Variants in MDGA2 observed in about 807,000 individuals in gnomAD.
The protein encoded by MDGA2 is MAM domain-containing glycosylphosphatidylinositol anchor protein 2.
MDGA2 carries 40 observed loss-of-function variants against 117.8 expected under a neutral mutation model. The observed-to-expected ratio is 0.34, with a 90% CI of 0.26 to 0.44. MDGA2 has a LOEUF of 0.44. Ranked by LOEUF, MDGA2 falls within the 20% of genes least tolerant of loss-of-function variation. The pLI, the probability that MDGA2 is intolerant of heterozygous loss-of-function variation, is 1.00. For synonymous variants in MDGA2, 452 were observed against 439.0 expected (o/e 1.03, Z -0.37); for missense variants, 1,123 against 1,250.6 (o/e 0.90, Z 1.54).
At chr14:46,959,400 C>G (rs1177991168) in intron 8 of MDGA2, among the ~76,000 whole-genome samples, 1 of 151,232 alleles carries the variant, frequency 6.6e-6, no homozygotes, top group Admixed American at 6.6e-5. Flanking sequence ...TCCTTTTAAT[C>G]TTATACTTTT....
At chr14:47,359,636 AGCTACTCT>A (rs1434207909) in intron 1 of MDGA2, among the ~76,000 whole-genome samples, 1 of 148,826 alleles carries the variant, frequency 6.7e-6, no homozygotes, top group African/African-American at 2.5e-5. Context: ...ACATAAAAAA[AGCTACTCT>A]GGAGGCTGAG....
intron 4 of MDGA2, among the ~76,000 whole-genome samples, chr14:47,134,401 C>T (rs1781798442): frequency 6.6e-6 from 1 of 151,940 alleles, no homozygotes; most frequent in Non-Finnish European, 1.5e-5. Flanking sequence ...AAAATATAAT[C>T]AGAGCCTAAA....
intron 1 of MDGA2, among the ~76,000 whole-genome samples, chr14:47,619,449 G>A (rs540184727): frequency 1.3e-5 from 2 of 152,092 alleles, no homozygotes; most frequent in African/African-American, 4.8e-5. Flanking sequence ...TAATTTCACA[G>A]GTAAGTCAAA....
intron 2 of MDGA2, among the ~76,000 whole-genome samples, chr14:47,232,457 T>G (rs1325948394): frequency 6.6e-6 from 1 of 152,104 alleles, no homozygotes; most frequent in African/African-American, 2.4e-5. Context: ...TGTAAGGAAT[T>G]AATTACCTAG....
chr14:47,355,650 G>A (rs1308985157), intron 1 of MDGA2, among the ~76,000 whole-genome samples: 1 of 152,000 alleles, frequency 6.6e-6, no homozygotes, highest in Non-Finnish European at 1.5e-5. Context: ...CCCAGATGAG[G>A]AGGACTTCCT....
Position 47,540,563 on chromosome 14 carries a change from T to TATATATATATATATATATATACACAC in MDGA2, c.280+133953_280+133954insGTGTGTATATATATATATATATATAT, listed in dbSNP as rs370481455. Among the ~76,000 whole-genome samples the TATATATATATATATATATATACACAC allele has an allele frequency of 2.2e-4, 25 of 112,476 alleles. 1 individual carries two copies. The highest frequency in any genetic ancestry group is 9.2e-4 in the East Asian group (3 of 3,262). The allele number at this position is 112,476 out of a possible 152,430, so 73.8% of individuals were successfully genotyped here. ...GTGTATATATATATATGTATATATA[T>TATATATATATATATATATATACACAC]ACACACACACATAGAGAGAGAGACA... On this transcript the variant is annotated intron_variant, in intron 1 of 16. Coordinates refer to ENST00000399232, the MANE Select transcript of MDGA2 (RefSeq NM_001113498.3).
At chr14:47,012,193 T>G (rs977992187) in intron 8 of MDGA2, among the ~76,000 whole-genome samples, 2 of 152,138 alleles carry the variant, frequency 1.3e-5, no homozygotes, top group African/African-American at 4.8e-5. Flanking sequence ...ATATGTCTCC[T>G]GAAAAATCTC....
intron 1 of MDGA2, among the ~76,000 whole-genome samples, chr14:47,429,277 GAT>G (rs35471496): frequency 5.2e-4 from 77 of 149,504 alleles, no homozygotes; most frequent in African/African-American, 1.4e-3. Flanking sequence ...CAAATATGAA[GAT>G]ATATATATAT....
chr14:47,642,123 T>A (rs920043710), intron 1 of MDGA2, among the ~76,000 whole-genome samples: 8 of 152,094 alleles, frequency 5.3e-5, no homozygotes, highest in African/African-American at 1.9e-4. Context: ...AGATGTGAAC[T>A]ACTTTATTTA....
chr14:47,200,850 C>T (rs1885476803), intron 3 of MDGA2: 11 of 833,940 alleles, frequency 1.3e-5, no homozygotes, highest in Non-Finnish European at 1.5e-5. Context: ...TTTTTCTTGT[C>T]ATAGGGCGGT....
chr14:47,212,575 G>T (rs985423427), intron 3 of MDGA2, among the ~76,000 whole-genome samples: 6 of 152,032 alleles, frequency 3.9e-5, no homozygotes, highest in African/African-American at 1.4e-4. Flanking sequence ...ATTTTTAAGT[G>T]TTCAACTTCT....
At chr14:47,350,705 C>G (rs545546632) in intron 1 of MDGA2, among the ~76,000 whole-genome samples, 1 of 152,258 alleles carries the variant, frequency 6.6e-6, no homozygotes, top group African/African-American at 2.4e-5. Context: ...GAGGCAGAGA[C>G]AAGTAACCCT....
At chr14:47,651,907 A>G (rs1310869794) in intron 1 of MDGA2, among the ~76,000 whole-genome samples, 1 of 152,144 alleles carries the variant, frequency 6.6e-6, no homozygotes, top group African/African-American at 2.4e-5. Flanking sequence ...AGTTGGGTAG[A>G]CCAAGAGTCC....
intron 8 of MDGA2, among the ~76,000 whole-genome samples, chr14:47,032,027 AT>A: frequency 6.6e-6 from 1 of 152,224 alleles, no homozygotes; most frequent in Middle Eastern, 3.4e-3. Context: ...CCAGGCATGC[AT>A]TTTTTTGTGT....
chr14:47,262,742 G>A (rs1442417075), intron 2 of MDGA2, among the ~76,000 whole-genome samples: 1 of 152,146 alleles, frequency 6.6e-6, no homozygotes, highest in African/African-American at 2.4e-5. Context: ...GGCCTGACAG[G>A]CCCTGGTATC....
intron 1 of MDGA2, among the ~76,000 whole-genome samples, chr14:47,610,063 A>T (rs1280654752): frequency 6.6e-6 from 1 of 152,158 alleles, no homozygotes; most frequent in Non-Finnish European, 1.5e-5. Flanking sequence ...AATTAAAAAC[A>T]AAAATCACAT....
rs866389900 is a variant in MDGA2, at chr14:47,325,961, G to A, written c.281-24411C>T. Among the ~76,000 whole-genome samples the A allele has an allele frequency of 1.2e-4, 18 of 152,180 alleles. No individual in the cohort carries two copies. In the Middle Eastern group the frequency reaches 0.01, roughly 86 times the overall value. ...GGGACCAAATTAAGACAGTTATTGC[G>A]GAAGATGCCCAGAATTCACTTGAGA... On this transcript the variant is annotated intron_variant, in intron 1 of 16. Coordinates refer to ENST00000399232, the MANE Select transcript of MDGA2 (RefSeq NM_001113498.3).
chr14:47,227,668 A>AG (rs397852585), intron 2 of MDGA2, among the ~76,000 whole-genome samples: 1 of 151,936 alleles, frequency 6.6e-6, no homozygotes, highest in Non-Finnish European at 1.5e-5. Flanking sequence ...AAAAAAAAAA[A>AG]TCATTGTTGC....
chr14:47,416,901 T>C (rs915802529), intron 1 of MDGA2, among the ~76,000 whole-genome samples: 2 of 152,104 alleles, frequency 1.3e-5, no homozygotes, highest in African/African-American at 2.4e-5. Flanking sequence ...GGGTTTGTAA[T>C]GGAAAGGGCA....
Sources: allele counts gnomAD v4.1 joint callset (sites outside exome capture counted in the v4.1 genomes callset), GRCh38; gene constraint gnomAD v4.1.1; transcripts MANE v1.5; gene names NCBI Gene and HGNC (gene_info 2026-07-23, HGNC 2026-07-21).